The following ARHGAP5 variants were observed in gnomAD, a reference collection of about 807,000 sequenced individuals.
ARHGAP5 encodes rho GTPase-activating protein 5.
ARHGAP5 carries 23 observed loss-of-function variants against 116.6 expected under a neutral mutation model. The ratio of observed to expected loss-of-function variants is 0.20; its 90% CI spans 0.14 to 0.28. ARHGAP5 has a LOEUF of 0.28. Among genes scored for constraint, ARHGAP5 ranks in the 10% least tolerant of loss-of-function variants. The probability of loss-of-function intolerance (pLI) is 1.00; values close to 1 mark genes in which losing one functional copy is unlikely to be tolerated. For missense variants in ARHGAP5, 1,405 were observed against 1,774.8 expected, an observed-to-expected ratio of 0.79 and a Z score of 3.74; for synonymous variants, 574 against 602.0, an observed-to-expected ratio of 0.95 and a Z score of 0.68.
chr14:32,106,142 G>A (rs912913793), intron 2 of ARHGAP5, among the ~76,000 whole-genome samples: 1 of 152,224 alleles, frequency 6.6e-6, no homozygotes, highest in Non-Finnish European at 1.5e-5. Flanking sequence ...TATTTATTGA[G>A]ATGGAGTCTC....
chr14:32,144,696 C>T (rs1054925891), intron 3 of ARHGAP5, among the ~76,000 whole-genome samples: 1 of 152,006 alleles, frequency 6.6e-6, no homozygotes, highest in Non-Finnish European at 1.5e-5. Context: ...GTTGGCCAGG[C>T]TTGTCTCAAA....
intron 3 of ARHGAP5, among the ~76,000 whole-genome samples, chr14:32,128,532 A>G (rs945053980): frequency 2.6e-5 from 4 of 152,180 alleles, no homozygotes; most frequent in African/African-American, 4.8e-5. Flanking sequence ...CGTGTCGGCT[A>G]TCGGTGCTGA....
At chr14:32,128,207 C>T (rs550754886) in intron 3 of ARHGAP5, among the ~76,000 whole-genome samples, 155 of 151,952 alleles carry the variant, frequency 1.0e-3, no homozygotes, top group Middle Eastern at 6.8e-3. Context: ...GACTGGGCGG[C>T]CAGGCAGAGG....
intron 1 of ARHGAP5, among the ~76,000 whole-genome samples, chr14:32,078,881 T>C (rs1417576195): frequency 1.3e-5 from 2 of 152,246 alleles, no homozygotes; most frequent in Non-Finnish European, 2.9e-5. Flanking sequence ...ACGGTATTCT[T>C]ATTCAGTGTT....
intron 3 of ARHGAP5, among the ~76,000 whole-genome samples, chr14:32,130,097 A>T (rs1231950577): frequency 1.3e-5 from 2 of 151,496 alleles, no homozygotes; most frequent in East Asian, 3.9e-4. Flanking sequence ...TAAAATATAT[A>T]TGTAATAAAA....
chr14:32,138,354 T>C (rs1316212898), intron 3 of ARHGAP5, among the ~76,000 whole-genome samples: 1 of 152,182 alleles, frequency 6.6e-6, no homozygotes, highest in Non-Finnish European at 1.5e-5. Context: ...GTGCAATCTC[T>C]GCTCACTGCA....
rs1042588079 is a variant in ARHGAP5 at position 32,158,656 on chromosome 14, T to C, written c.*3708T>C. On this transcript the variant is annotated 3_prime_UTR_variant, in exon 7 of 7. Coordinates refer to ENST00000345122, the MANE Select transcript of ARHGAP5 (RefSeq NM_001030055.2). ...ACAGTTTCTAATTTGTTTCAATACA[T>C]ATGGGACATGGTTGATTTTTTTACT... The C allele has an allele frequency of 1.3e-5, 2 of 151,970 alleles. No individual in the cohort carries two copies. Among genetic ancestry groups the C allele is most frequent in the Non-Finnish European group, 2.9e-5 (2 of 67,866 alleles). The allele number at this position is 151,970 out of a possible 1,614,324, so 9.4% of individuals were successfully genotyped here.
intron 3 of ARHGAP5, among the ~76,000 whole-genome samples, chr14:32,124,277 G>A (rs1278863989): frequency 6.6e-6 from 1 of 152,142 alleles, no homozygotes; most frequent in Non-Finnish European, 1.5e-5. Flanking sequence ...TCAGTGTTCA[G>A]TGTCTGAAAA....
rs561955138 is a variant in ARHGAP5 at position 32,156,989 on chromosome 14, A to G, written c.*2041A>G. ...TTTAAGCTGTTCTCTTTTATACTGT[A>G]TTAATTTAATGTTCATCTGCGTTTA... is the stretch of plus-strand genomic sequence containing the variant. On this transcript the variant is annotated 3_prime_UTR_variant, in exon 7 of 7. Coordinates refer to ENST00000345122, the MANE Select transcript of ARHGAP5 (RefSeq NM_001030055.2). 1 of 152,464 alleles carries G rather than the reference A, an allele frequency of 6.6e-6. No individual in the cohort carries two copies. The highest frequency in any genetic ancestry group is 2.1e-4 in the South Asian group (1 of 4,828). 9.4% of individuals were successfully genotyped at this position (152,464 alleles called of 1,614,324 possible).
intron 3 of ARHGAP5, among the ~76,000 whole-genome samples, chr14:32,141,990 GA>G (rs1349658011): frequency 4.6e-5 from 7 of 152,012 alleles, no homozygotes; most frequent in Non-Finnish European, 8.8e-5. Context: ...AAAATTCACT[GA>G]TTACTCCTTC....
At chr14:32,134,234 C>A (rs111840858) in intron 3 of ARHGAP5, among the ~76,000 whole-genome samples, 1 of 152,000 alleles carries the variant, frequency 6.6e-6, no homozygotes, top group African/African-American at 2.4e-5. Flanking sequence ...AAATTCAAAG[C>A]CTTTTTTTGC....
chr14:32,152,420 C>T lies in ARHGAP5; in HGVS notation c.4076-3C>T. ...CAGATTCTTCACTGTTTTAATTTTA[C>T]AGAAATCCCGGATAAAACAGAACGT... On this transcript the variant is annotated splice_region_variant and splice_polypyrimidine_tract_variant and intron_variant, in intron 5 of 6. Coordinates refer to ENST00000345122, the MANE Select transcript of ARHGAP5 (RefSeq NM_001030055.2). 6.3e-7 allele frequency: 1 copy of T among 1,577,998 alleles called. No individual in the cohort carries two copies. Among genetic ancestry groups the T allele is most frequent in the Non-Finnish European group, 8.6e-7 (1 of 1,160,478 alleles).
intron 4 of ARHGAP5, among the ~76,000 whole-genome samples, chr14:32,147,122 A>G (rs1881414123): frequency 6.6e-6 from 1 of 152,226 alleles, no homozygotes; most frequent in Non-Finnish European, 1.5e-5. Context: ...CATATTCAGT[A>G]AATTCTATAT....
intron 4 of ARHGAP5, among the ~76,000 whole-genome samples, chr14:32,149,267 T>C (rs1424119008): frequency 6.6e-6 from 1 of 151,830 alleles, no homozygotes; most frequent in African/African-American, 2.4e-5. Flanking sequence ...CCTCTCACCT[T>C]AGTTTCCTGA....
intron 3 of ARHGAP5, among the ~76,000 whole-genome samples, chr14:32,134,768 T>C (rs1252930401): frequency 6.6e-6 from 1 of 152,228 alleles, no homozygotes; most frequent in African/African-American, 2.4e-5. Flanking sequence ...TGTGTTTGTC[T>C]TTTGCTTATC....
At chr14:32,107,438 T>C (rs924689233) in intron 2 of ARHGAP5, among the ~76,000 whole-genome samples, 4 of 151,872 alleles carry the variant, frequency 2.6e-5, no homozygotes, top group African/African-American at 9.7e-5. Context: ...AGAAATCTTA[T>C]GTGTGAAGGC....
At position 32,092,101 on chromosome 14, in the gene ARHGAP5, C is replaced by T. The variant is rs767422161; in HGVS notation, c.1432C>T (p.His478Tyr). 1.9e-6 allele frequency: 3 copies of T among 1,613,708 alleles called. No homozygotes were observed. The highest frequency in any genetic ancestry group is 1.1e-5 in the South Asian group (1 of 91,072). The change falls in exon 2 of 7, where the codon CAT (histidine) becomes TAT (tyrosine). Residue 478 changes from histidine to tyrosine, a missense_variant. His to Tyr is a moderately conservative substitution (Grantham distance 83). This residue lies in a region of ARHGAP5 where 944 missense variants were observed against 1,095.3 expected (regional missense o/e 0.86). Coordinates refer to ENST00000345122, the MANE Select transcript of ARHGAP5 (RefSeq NM_001030055.2). This position sits in a 1 kb window ranked among gnomAD's most constrained non-coding sequence, Gnocchi z 4.1. Reference sequence around the variant, plus strand: ...TGATAGCAAAGAGGTATATGGTAGGCATCAGCGAGAAATAGTTGAAAAAGC... The same window carrying T: ...TGATAGCAAAGAGGTATATGGTAGGTATCAGCGAGAAATAGTTGAAAAAGC... ...EADSKEVYGR[H>Y]QREIVEKAKE...
intron 3 of ARHGAP5, among the ~76,000 whole-genome samples, chr14:32,130,092 T>A (rs1368108609): frequency 6.6e-6 from 1 of 151,440 alleles, no homozygotes; most frequent in African/African-American, 2.4e-5. Flanking sequence ...TGTAATAAAA[T>A]ATATATGTAA....
At chr14:32,128,190 C>T (rs1386277992) in intron 3 of ARHGAP5, among the ~76,000 whole-genome samples, 1 of 151,956 alleles carries the variant, frequency 6.6e-6, no homozygotes, top group Non-Finnish European at 1.5e-5. Context: ...GCGCTCCTCA[C>T]TTCCCAGACT....
Sources: allele counts gnomAD v4.1 joint callset (sites outside exome capture counted in the v4.1 genomes callset), GRCh38; gene constraint gnomAD v4.1.1; regional missense constraint gnomAD v4.1.1; non-coding constraint Gnocchi (gnomAD v3.1); transcripts MANE v1.5; gene names NCBI Gene and HGNC (gene_info 2026-07-23, HGNC 2026-07-21).